The following BMP6 variants were observed in gnomAD, a reference collection of about 807,000 sequenced individuals.
The protein encoded by BMP6 is bone morphogenetic protein 6, also known as VG-1-R.
Under a neutral mutation model 54.1 loss-of-function variants are expected in BMP6, and 17 were observed. The ratio of observed to expected loss-of-function variants is 0.31; its 90% CI spans 0.22 to 0.47. BMP6 has a LOEUF of 0.47. BMP6 is among the 20% of genes least tolerant of loss of function. BMP6 has a pLI of 1.00. For missense variants in BMP6, 720 were observed against 690.4 expected, an observed-to-expected ratio of 1.04 and a Z score of -0.48; for synonymous variants, 328 against 291.2, an observed-to-expected ratio of 1.13 and a Z score of -1.28.
At chr6:7,767,855 T>C (rs1018922675) in intron 1 of BMP6, among the ~76,000 whole-genome samples, 5 of 152,202 alleles carry the variant, frequency 3.3e-5, no homozygotes, top group Admixed American at 6.5e-5. Context: ...GGAACTGCTG[T>C]AGCTAGGCCT....
chr6:7,842,742 A>C (rs1023371020), intron 1 of BMP6, among the ~76,000 whole-genome samples: 1 of 152,240 alleles, frequency 6.6e-6, no homozygotes, highest in Non-Finnish European at 1.5e-5. Flanking sequence ...TCAGAAGACC[A>C]GCTACCACAT....
At position 7,728,159 on chromosome 6, in the gene BMP6, G is replaced by T. The variant is rs192926731; in HGVS notation, c.664+540G>T. ...CATGAGTATGTTTAGAGGTATCCAC[G>T]GCACTAGGGGAGGTTGCAGAGGGAA... On this transcript the variant is annotated intron_variant, in intron 1 of 6. Transcript: ENST00000283147. Among the ~76,000 whole-genome samples the T allele has an allele frequency of 5.2e-3, 790 of 152,062 alleles. 4 individuals are homozygous for T. Among genetic ancestry groups the T allele is most frequent in the African/African-American group, 0.014 (577 of 41,448 alleles).
intron 1 of BMP6, among the ~76,000 whole-genome samples, chr6:7,752,352 A>G (rs1387219684): frequency 6.6e-6 from 1 of 152,158 alleles, no homozygotes. Flanking sequence ...GAATTACTCA[A>G]ACTCTTAATT....
At chr6:7,730,999 C>A (rs148051943) in intron 1 of BMP6, among the ~76,000 whole-genome samples, 1 of 152,184 alleles carries the variant, frequency 6.6e-6, no homozygotes, top group African/African-American at 2.4e-5. Context: ...GTAAGCCAGC[C>A]GGACTATCAG....
intron 1 of BMP6, among the ~76,000 whole-genome samples, chr6:7,806,040 T>C (rs1252368901): frequency 6.6e-6 from 1 of 152,218 alleles, no homozygotes; most frequent in Non-Finnish European, 1.5e-5. Flanking sequence ...TTCTGAGATG[T>C]GGGGTCAGCA....
chr6:7,748,145 G>A (rs185282005), intron 1 of BMP6, among the ~76,000 whole-genome samples: 19 of 151,610 alleles, frequency 1.3e-4, no homozygotes, highest in Non-Finnish European at 2.7e-4. Context: ...TTGAATATGG[G>A]CCTTACCCCT....
At chr6:7,805,976 T>A (rs902496823) in intron 1 of BMP6, among the ~76,000 whole-genome samples, 1 of 152,322 alleles carries the variant, frequency 6.6e-6, no homozygotes, top group South Asian at 2.1e-4. Context: ...ACTGCTGAAG[T>A]GTGAAGTGTC....
At chr6:7,814,903 G>A (rs1168786774) in intron 1 of BMP6, among the ~76,000 whole-genome samples, 1 of 152,104 alleles carries the variant, frequency 6.6e-6, no homozygotes, top group African/African-American at 2.4e-5. Context: ...GTTGGTAGGT[G>A]CAGCAAACCA....
chr6:7,773,917 T>G (rs933656536), intron 1 of BMP6, among the ~76,000 whole-genome samples: 1 of 152,218 alleles, frequency 6.6e-6, no homozygotes, highest in Non-Finnish European at 1.5e-5. Flanking sequence ...GATAATGGCA[T>G]TTTATCCACT....
chr6:7,748,570 C>T (rs1365714436), intron 1 of BMP6, among the ~76,000 whole-genome samples: 3 of 152,152 alleles, frequency 2.0e-5, no homozygotes, highest in Non-Finnish European at 4.4e-5. Context: ...AGCATTATGT[C>T]AATGCAGGGG....
chr6:7,850,268 G>A (rs539568946), intron 2 of BMP6, among the ~76,000 whole-genome samples: 8 of 152,148 alleles, frequency 5.3e-5, no homozygotes, highest in Admixed American at 2.0e-4. Context: ...TCAGCCTCCC[G>A]AGTAGCTGGG....
chr6:7,783,223 C>T, intron 1 of BMP6, among the ~76,000 whole-genome samples: 1 of 152,126 alleles, frequency 6.6e-6, no homozygotes, highest in East Asian at 1.9e-4. Context: ...GGGAAGGAAC[C>T]AGTGGAGACA....
chr6:7,877,248 T>A (rs77787576), intron 4 of BMP6, among the ~76,000 whole-genome samples: 3 of 152,096 alleles, frequency 2.0e-5, no homozygotes, highest in African/African-American at 4.8e-5. Flanking sequence ...TTTAGAATTA[T>A]AAACCACCTA....
At chr6:7,856,788 G>A (rs1759246655) in intron 2 of BMP6, among the ~76,000 whole-genome samples, 1 of 150,610 alleles carries the variant, frequency 6.6e-6, no homozygotes, top group African/African-American at 2.5e-5. Context: ...AGTAGAGATG[G>A]GGTTTCACCG....
chr6:7,825,133 A>G (rs909824931), intron 1 of BMP6, among the ~76,000 whole-genome samples: 1 of 152,208 alleles, frequency 6.6e-6, no homozygotes, highest in Non-Finnish European at 1.5e-5. Context: ...TCTCGGCAAC[A>G]TTGTGAGACC....
At chr6:7,782,540 G>A (rs138468640) in intron 1 of BMP6, among the ~76,000 whole-genome samples, 2 of 152,208 alleles carry the variant, frequency 1.3e-5, no homozygotes, top group African/African-American at 4.8e-5. Flanking sequence ...GTGAAACCCT[G>A]TCTCTACTAG....
intron 1 of BMP6, among the ~76,000 whole-genome samples, chr6:7,805,348 A>G (rs1395270819): frequency 1.3e-5 from 2 of 152,220 alleles, no homozygotes; most frequent in East Asian, 1.9e-4. Flanking sequence ...ACACACAGGT[A>G]TGTGAAGAGA....
At chr6:7,750,080 A>G (rs1169805110) in intron 1 of BMP6, among the ~76,000 whole-genome samples, 1 of 152,250 alleles carries the variant, frequency 6.6e-6, no homozygotes, top group Non-Finnish European at 1.5e-5. Context: ...GGTGGGTGCC[A>G]TGAACCCTGA....
At chr6:7,845,461 G>C (rs1473840888) in intron 2 of BMP6, 129 bp downstream of exon 2, 1 of 755,452 alleles carries the variant, frequency 1.3e-6, no homozygotes, top group African/African-American at 1.8e-5. Context: ...AGTACGATGA[G>C]GTGGGTGTTG....
Sources: allele counts gnomAD v4.1 joint callset (sites outside exome capture counted in the v4.1 genomes callset), GRCh38; gene constraint gnomAD v4.1.1; transcripts MANE v1.5; gene names NCBI Gene and HGNC (gene_info 2026-07-23, HGNC 2026-07-21).